The following LRRTM3 variants were observed in gnomAD, a reference collection of about 807,000 sequenced individuals.
The protein encoded by LRRTM3 is leucine rich repeat transmembrane neuronal 3.
In LRRTM3, 24 loss-of-function variants were observed where a neutral mutation model predicts 44.7. That is an observed-to-expected ratio of 0.54 (90% CI 0.39 to 0.76). The LOEUF (loss-of-function observed/expected upper bound fraction) is 0.76, where lower values mean the gene tolerates loss of function less well. Among genes scored for constraint, LRRTM3 ranks in the 30% least tolerant of loss-of-function variants. The probability of loss-of-function intolerance (pLI) is 0.00; values close to 1 mark genes in which losing one functional copy is unlikely to be tolerated. For missense variants in LRRTM3, 587 were observed against 702.2 expected (o/e 0.84, Z 1.85); for synonymous variants, 277 against 278.7 (o/e 0.99, Z 0.06).
chr10:66,994,494 T>C (rs1851219743), intron 2 of LRRTM3, among the ~76,000 whole-genome samples: 1 of 152,216 alleles, frequency 6.6e-6, no homozygotes, highest in Non-Finnish European at 1.5e-5. Context: ...TAGTTTTGCA[T>C]CATGCTGAAC....
chr10:67,084,371 A>T (rs1339387436), intron 2 of LRRTM3, among the ~76,000 whole-genome samples: 1 of 152,002 alleles, frequency 6.6e-6, no homozygotes, highest in South Asian at 2.1e-4. Flanking sequence ...CAAGTTAAAA[A>T]TTTTTATATT....
chr10:67,005,012 A>G (rs1332658427), intron 2 of LRRTM3, among the ~76,000 whole-genome samples: 2 of 152,200 alleles, frequency 1.3e-5, no homozygotes, highest in African/African-American at 4.8e-5. Flanking sequence ...CCCTCAAGGT[A>G]GTTTCATAGA....
At chr10:66,957,404 ATATATATATG>A (rs1848860802) in intron 2 of LRRTM3, among the ~76,000 whole-genome samples, 1 of 32,846 alleles carries the variant, frequency 3.0e-5, no homozygotes, top group Admixed American at 2.4e-4. Flanking sequence ...ATATATATAT[ATATATATATG>A]CATATATATA....
chr10:67,053,956 T>G (rs565709332), intron 2 of LRRTM3, among the ~76,000 whole-genome samples: 4 of 152,132 alleles, frequency 2.6e-5, no homozygotes, highest in East Asian at 3.9e-4. Context: ...CTAATGACCT[T>G]ATGTCATCCA....
chr10:67,026,459 T>A (rs191444021), intron 2 of LRRTM3, among the ~76,000 whole-genome samples: 239 of 151,996 alleles, frequency 1.6e-3, no homozygotes, highest in Non-Finnish European at 2.8e-3. Context: ...CAAAATAATA[T>A]AACAAAACAA....
At chr10:66,965,346 C>T (rs1446392576) in intron 2 of LRRTM3, among the ~76,000 whole-genome samples, 2 of 151,894 alleles carry the variant, frequency 1.3e-5, no homozygotes, top group Non-Finnish European at 2.9e-5. Context: ...ACGATCTTGG[C>T]CAACATGGTG....
chr10:67,017,743 G>A (rs1852746007), intron 2 of LRRTM3, among the ~76,000 whole-genome samples: 1 of 151,760 alleles, frequency 6.6e-6, no homozygotes, highest in African/African-American at 2.4e-5. Context: ...GTGTGTGTGT[G>A]TGTGTGTGTG....
At chr10:67,010,284 T>G in intron 2 of LRRTM3, among the ~76,000 whole-genome samples, 1 of 152,234 alleles carries the variant, frequency 6.6e-6, no homozygotes. Context: ...ATATACCTCC[T>G]TCCCACATTA....
At chr10:67,013,595 G>A (rs894336691) in intron 2 of LRRTM3, among the ~76,000 whole-genome samples, 1 of 152,066 alleles carries the variant, frequency 6.6e-6, no homozygotes, top group African/African-American at 2.4e-5. Flanking sequence ...ACTTGTTGAT[G>A]GCTATGAGTA....
At chr10:67,045,641 T>C (rs1179070858) in intron 2 of LRRTM3, among the ~76,000 whole-genome samples, 1 of 152,158 alleles carries the variant, frequency 6.6e-6, no homozygotes, top group African/African-American at 2.4e-5. Context: ...TTCCCAGGAC[T>C]AGGGGCACTC....
chr10:66,947,828 T>C (rs1283450032), intron 2 of LRRTM3, among the ~76,000 whole-genome samples: 4 of 152,186 alleles, frequency 2.6e-5, no homozygotes, highest in African/African-American at 4.8e-5. Flanking sequence ...AATGCAGTCA[T>C]GTGGCGCTTA....
chr10:66,998,200 A>G (rs1851465293), intron 2 of LRRTM3, among the ~76,000 whole-genome samples: 2 of 152,222 alleles, frequency 1.3e-5, no homozygotes, highest in Non-Finnish European at 2.9e-5. Flanking sequence ...TTTATGTCTC[A>G]TCTACCTTCC....
chr10:67,045,003 T>C (rs1854640068), intron 2 of LRRTM3, among the ~76,000 whole-genome samples: 1 of 152,194 alleles, frequency 6.6e-6, no homozygotes, highest in South Asian at 2.1e-4. Context: ...TAGGAGACGC[T>C]CAATAAATGT....
chr10:67,009,027 G>A (rs924845100), intron 2 of LRRTM3, among the ~76,000 whole-genome samples: 2 of 151,982 alleles, frequency 1.3e-5, no homozygotes, highest in Non-Finnish European at 2.9e-5. Context: ...TAGGATTTTG[G>A]TATTTAATAA....
intron 2 of LRRTM3, among the ~76,000 whole-genome samples, chr10:66,930,883 G>T (rs546173710): frequency 6.6e-6 from 1 of 152,044 alleles, no homozygotes. Flanking sequence ...TGGGAAAAAA[G>T]TTCTTTCTTT....
intron 2 of LRRTM3, among the ~76,000 whole-genome samples, chr10:67,061,149 G>A (rs1043590342): frequency 2.0e-5 from 3 of 152,120 alleles, no homozygotes; most frequent in Admixed American, 1.3e-4. Flanking sequence ...AAATAACAGA[G>A]CTTTGAGAGA....
chr10:67,009,463 C>A (rs1380116131), intron 2 of LRRTM3, among the ~76,000 whole-genome samples: 1 of 151,862 alleles, frequency 6.6e-6, no homozygotes, highest in Admixed American at 6.6e-5. Flanking sequence ...TATACATAAC[C>A]TCTTTCATCT....
intron 2 of LRRTM3, among the ~76,000 whole-genome samples, chr10:66,958,772 C>G (rs1278684878): frequency 6.6e-6 from 1 of 152,100 alleles, no homozygotes; most frequent in Non-Finnish European, 1.5e-5. Flanking sequence ...GATTCTCACA[C>G]TCTTGCATTT....
chr10:66,994,158 G>A (rs1851198009), intron 2 of LRRTM3, among the ~76,000 whole-genome samples: 1 of 152,074 alleles, frequency 6.6e-6, no homozygotes. Flanking sequence ...TCTTATAGAA[G>A]GTCCCTCGTA....
Sources: gnomAD v4.1 joint callset for allele counts (sites outside exome capture counted in the v4.1 genomes callset) on GRCh38, gnomAD v4.1.1 for gene constraint, MANE v1.5 for transcripts, NCBI Gene and HGNC (gene_info 2026-07-23, HGNC 2026-07-21) for gene names.